The following CNTN5 variants were observed in gnomAD, a reference collection of about 807,000 sequenced individuals.
The protein encoded by CNTN5 is contactin-5.
CNTN5 carries 77 observed loss-of-function variants against 129.1 expected under a neutral mutation model. That is an observed-to-expected ratio of 0.60 (90% confidence interval 0.50 to 0.72). CNTN5 has a LOEUF of 0.72. Among genes scored for constraint, CNTN5 ranks in the 30% least tolerant of loss-of-function variants. CNTN5 has a pLI of 0.00. For missense variants in CNTN5, 1,478 were observed against 1,328.8 expected, an observed-to-expected ratio of 1.11 and a Z score of -1.75; for synonymous variants, 509 against 465.6, an observed-to-expected ratio of 1.09 and a Z score of -1.20.
Position 100,136,258 on chromosome 11 carries a change from C to G in CNTN5, c.1581-54868C>G, listed in dbSNP as rs552736940. 7.6e-3 allele frequency among the ~76,000 whole-genome samples: 590 copies of G among 77,948 alleles called. 10 individuals are homozygous for G. The highest frequency in any genetic ancestry group is 0.041 in the Admixed American group (381 of 9,186). The allele number at this position is 77,948 out of a possible 152,430, so 51.1% of individuals were successfully genotyped here. On this transcript the variant is annotated intron_variant, in intron 13 of 24. Transcript: ENST00000524871. ...ATATGGTATTCAAGGCTGGCTATTT[C>G]AATCTTCTGTTCAATATAAATGGAA...
chr11:99,527,955 G>A (rs564874149), intron 2 of CNTN5, among the ~76,000 whole-genome samples: 1 of 152,232 alleles, frequency 6.6e-6, no homozygotes, highest in East Asian at 1.9e-4. Context: ...TTTAGAAAAG[G>A]CAACAAATCA....
At chr11:99,480,552 A>G (rs1436809426) in intron 2 of CNTN5, among the ~76,000 whole-genome samples, 4 of 152,204 alleles carry the variant, frequency 2.6e-5, no homozygotes, top group East Asian at 1.9e-4. Context: ...AACATTTGCT[A>G]TTAATTTTAC....
chr11:99,062,945 A>G (rs1022128566), intron 1 of CNTN5, among the ~76,000 whole-genome samples: 1 of 152,152 alleles, frequency 6.6e-6, no homozygotes, highest in Non-Finnish European at 1.5e-5. Context: ...TTAAGAACAT[A>G]GTCATCTTTA....
At chr11:99,668,545 C>T (rs778632669) in intron 3 of CNTN5, among the ~76,000 whole-genome samples, 3 of 152,140 alleles carry the variant, frequency 2.0e-5, no homozygotes, top group Non-Finnish European at 2.9e-5. Context: ...TTGTTTCCTG[C>T]CATGCTTCAG....
At chr11:99,854,856 A>G (rs1565608544) in intron 6 of CNTN5, among the ~76,000 whole-genome samples, 1 of 152,322 alleles carries the variant, frequency 6.6e-6, no homozygotes, top group South Asian at 2.1e-4. Flanking sequence ...CCTAAACTTC[A>G]GGAATATATG....
chr11:99,593,052 A>G (rs1332056073), intron 3 of CNTN5, among the ~76,000 whole-genome samples: 1 of 152,222 alleles, frequency 6.6e-6, no homozygotes, highest in Admixed American at 6.5e-5. Context: ...GATTTTTAGC[A>G]AGAATGTGTA....
chr11:100,157,003 T>C (rs926824034), intron 13 of CNTN5, among the ~76,000 whole-genome samples: 1 of 152,062 alleles, frequency 6.6e-6, no homozygotes, highest in African/African-American at 2.4e-5. Flanking sequence ...TCAGTTCTGC[T>C]CTGACCTTAG....
At chr11:100,073,925 G>A (rs1944027190) in intron 12 of CNTN5, among the ~76,000 whole-genome samples, 1 of 152,086 alleles carries the variant, frequency 6.6e-6, no homozygotes, top group African/African-American at 2.4e-5. Flanking sequence ...GCCTTTACCT[G>A]TAGATCCCAT....
intron 13 of CNTN5, among the ~76,000 whole-genome samples, chr11:100,081,855 T>C (rs1166285702): frequency 6.6e-6 from 1 of 152,184 alleles, no homozygotes; most frequent in Non-Finnish European, 1.5e-5. Context: ...CCTTGAGCGT[T>C]TGACTACAGC....
intron 2 of CNTN5, among the ~76,000 whole-genome samples, chr11:99,539,181 T>G (rs1247889155): frequency 6.6e-6 from 1 of 152,128 alleles, no homozygotes; most frequent in South Asian, 2.1e-4. Flanking sequence ...TTAAGTTTTA[T>G]CACAATGTTA....
At chr11:100,184,688 A>C (rs2138469753) in intron 13 of CNTN5, among the ~76,000 whole-genome samples, 1 of 152,260 alleles carries the variant, frequency 6.6e-6, no homozygotes, top group South Asian at 2.1e-4. Flanking sequence ...TTCTAACCAA[A>C]AGAATAAATG....
chr11:99,851,728 A>T (rs1322161134), intron 6 of CNTN5, among the ~76,000 whole-genome samples: 1 of 152,256 alleles, frequency 6.6e-6, no homozygotes, highest in African/African-American at 2.4e-5. Context: ...ATATTCCATT[A>T]GTTTTCCTTG....
At chr11:99,847,769 C>T (rs1459922966) in intron 6 of CNTN5, among the ~76,000 whole-genome samples, 1 of 151,998 alleles carries the variant, frequency 6.6e-6, no homozygotes, top group African/African-American at 2.4e-5. Flanking sequence ...TACCAGTATA[C>T]CTGGATGGGA....
chr11:99,820,591 G>A (rs893124121), intron 4 of CNTN5, among the ~76,000 whole-genome samples: 17 of 152,250 alleles, frequency 1.1e-4, no homozygotes, highest in African/African-American at 3.1e-4. Flanking sequence ...ACAGCAGGAT[G>A]AACGGCACCT....
At chr11:99,696,817 G>T (rs1954289382) in intron 3 of CNTN5, among the ~76,000 whole-genome samples, 1 of 151,910 alleles carries the variant, frequency 6.6e-6, no homozygotes. Flanking sequence ...AAGTGTTTGT[G>T]CTACTTTTAG....
At chr11:99,505,644 G>T (rs899919883) in intron 2 of CNTN5, among the ~76,000 whole-genome samples, 5 of 152,096 alleles carry the variant, frequency 3.3e-5, no homozygotes, top group African/African-American at 1.2e-4. Context: ...CTTTATACAC[G>T]TAAGGCTTGG....
intron 1 of CNTN5, among the ~76,000 whole-genome samples, chr11:99,162,442 C>T (rs887769371): frequency 1.2e-4 from 19 of 152,184 alleles, no homozygotes; most frequent in Non-Finnish European, 2.2e-4. Context: ...ATGTCACTGA[C>T]GGGAAAATTC....
chr11:99,816,129 C>T (rs1946578800), intron 3 of CNTN5, among the ~76,000 whole-genome samples: 1 of 152,120 alleles, frequency 6.6e-6, no homozygotes, highest in Admixed American at 6.5e-5. Context: ...TGAATGCTTC[C>T]TTGTCTGTAT....
intron 3 of CNTN5, among the ~76,000 whole-genome samples, chr11:99,713,614 T>C (rs116743092): frequency 6.6e-6 from 1 of 152,078 alleles, no homozygotes; most frequent in African/African-American, 2.4e-5. Flanking sequence ...AATATGTATG[T>C]ATGTTTACAA....
Sources: gnomAD v4.1 joint callset for allele counts (sites outside exome capture counted in the v4.1 genomes callset) on GRCh38, gnomAD v4.1.1 for gene constraint, MANE v1.5 for transcripts, NCBI Gene and HGNC (gene_info 2026-07-23, HGNC 2026-07-21) for gene names.